PIK3CA: variants seen among roughly 807,000 people sequenced by gnomAD.
PIK3CA encodes phosphatidylinositol 4,5-bisphosphate 3-kinase catalytic subunit alpha isoform.
PIK3CA carries 27 observed loss-of-function variants against 138.2 expected under a neutral mutation model. The ratio of observed to expected loss-of-function variants is 0.20; its 90% CI spans 0.14 to 0.27. PIK3CA has a LOEUF of 0.27. Ranked by LOEUF, PIK3CA falls within the 10% of genes least tolerant of loss-of-function variation. The pLI, the probability that PIK3CA is intolerant of heterozygous loss-of-function variation, is 1.00. For missense variants in PIK3CA, 544 were observed against 1,277.4 expected, an observed-to-expected ratio of 0.43 and a Z score of 8.75; for synonymous variants, 358 against 413.2, an observed-to-expected ratio of 0.87 and a Z score of 1.62.
chr3:179,193,370 C>G (rs1298886874), intron 1 of PIK3CA, among the ~76,000 whole-genome samples: 3 of 152,158 alleles, frequency 2.0e-5, no homozygotes, highest in Non-Finnish European at 4.4e-5. Context: ...GGTCACATGT[C>G]AATGCTGACT....
At chr3:179,162,627 A>G (rs1377064637) in intron 1 of PIK3CA, among the ~76,000 whole-genome samples, 1 of 152,216 alleles carries the variant, frequency 6.6e-6, no homozygotes, top group African/African-American at 2.4e-5. Flanking sequence ...TTTAAAAATC[A>G]ATAGTTCTTC....
At position 179,236,040 on chromosome 3, in the gene PIK3CA, C is replaced by T. The variant is rs1169614283; in HGVS notation, c.*1676C>T. On this transcript the variant is annotated 3_prime_UTR_variant, in exon 21 of 21. Coordinates refer to ENST00000263967, the MANE Select transcript of PIK3CA (RefSeq NM_006218.4). ...GATTAGGCATATTATTGGAAAACAA[C>T]TTTATAAAGAGTGAACATTGTATAC... 5 of 206,578 alleles carry T rather than the reference C, an allele frequency of 2.4e-5. No individual in the cohort carries two copies. The highest frequency in any genetic ancestry group is 4.6e-5 in the African/African-American group (2 of 43,896). The allele number at this position is 206,578 out of a possible 1,614,324, so 12.8% of individuals were successfully genotyped here. A position where few individuals can be genotyped will look rare whatever the true frequency, so the allele number is the denominator to read the frequency against.
At chr3:179,215,072 A>G (rs1241170489) in intron 9 of PIK3CA, among the ~76,000 whole-genome samples, 1 of 152,196 alleles carries the variant, frequency 6.6e-6, no homozygotes, top group African/African-American at 2.4e-5. Context: ...TTTTGGGCCA[A>G]GAAGTCCAAA....
At chr3:179,191,061 G>C (rs570275824) in intron 1 of PIK3CA, among the ~76,000 whole-genome samples, 1 of 152,302 alleles carries the variant, frequency 6.6e-6, no homozygotes, top group African/African-American at 2.4e-5. Context: ...AAATTCCAGA[G>C]ATGGGGTTCA....
intron 9 of PIK3CA, among the ~76,000 whole-genome samples, chr3:179,216,607 C>A (rs1724841790): frequency 6.6e-6 from 1 of 152,060 alleles, no homozygotes; most frequent in East Asian, 1.9e-4. Context: ...ATGGCCTTTC[C>A]TTCAACAGTT....
intron 1 of PIK3CA, among the ~76,000 whole-genome samples, chr3:179,197,114 C>T (rs574604665): frequency 6.6e-6 from 1 of 152,222 alleles, no homozygotes; most frequent in South Asian, 2.1e-4. Flanking sequence ...TCTCGGCTCA[C>T]TGCAACCTCT....
intron 1 of PIK3CA, among the ~76,000 whole-genome samples, chr3:179,172,752 G>C (rs750248366): frequency 6.6e-6 from 1 of 152,160 alleles, no homozygotes; most frequent in Non-Finnish European, 1.5e-5. Flanking sequence ...CTATATTCAT[G>C]AATTGGTACA....
At chr3:179,221,301 T>A in intron 14 of PIK3CA, 144 bp downstream of exon 14, 1 of 611,248 alleles carries the variant, frequency 1.6e-6, no homozygotes, top group Non-Finnish European at 3.0e-6. Context: ...CTCAGCTGTG[T>A]AGTGTTAGAC....
chr3:179,199,501 A>G (rs1724353759), intron 2 of PIK3CA, among the ~76,000 whole-genome samples, 189 bp from the exon 3 acceptor site: 1 of 152,012 alleles, frequency 6.6e-6, no homozygotes, highest in African/African-American at 2.4e-5. Flanking sequence ...TATTTTTTAT[A>G]TATTAAAAAT....
chr3:179,226,109 G>A (rs2108419790), intron 17 of PIK3CA, 69 bp downstream of exon 17: 1 of 825,012 alleles, frequency 1.2e-6, no homozygotes, highest in East Asian at 2.5e-5. Context: ...AATAATTATA[G>A]AAGCATATAG....
At chr3:179,228,458 A>G (rs1379640787) in intron 17 of PIK3CA, among the ~76,000 whole-genome samples, 1 of 152,042 alleles carries the variant, frequency 6.6e-6, no homozygotes, top group Non-Finnish European at 1.5e-5. Context: ...AACTTAAGAA[A>G]CTTATCTTGT....
rs2108422542 is a variant in PIK3CA, at chr3:179,229,307, G to A, written c.2531G>A (p.Cys844Tyr). ...TATGGTTGTCTGTCAATCGGTGACT[G>A]TGTGGGACTTATTGAGGTGGTGCGA... is the stretch of plus-strand genomic sequence containing the variant. Reference protein sequence around the residue: ...LPYGCLSIGDCVGLIEVVRNS... With the variant: ...LPYGCLSIGDYVGLIEVVRNS... The change falls in exon 18 of 21, where the codon TGT becomes TAT. Residue 844 changes from cysteine to tyrosine, a missense_variant. By Grantham distance (194) the Cys-to-Tyr change is radical. This residue lies in a region of PIK3CA where 72 missense variants were observed against 271.8 expected (regional missense o/e 0.26). Coordinates refer to ENST00000263967, the MANE Select transcript of PIK3CA (RefSeq NM_006218.4). 1 of 1,613,094 alleles carries A rather than the reference G, an allele frequency of 6.2e-7. No individual in the cohort carries two copies. The highest frequency in any genetic ancestry group is 8.5e-7 in the Non-Finnish European group (1 of 1,179,396).
intron 1 of PIK3CA, among the ~76,000 whole-genome samples, chr3:179,190,076 A>T (rs1576927851): frequency 6.6e-6 from 1 of 152,314 alleles, no homozygotes; most frequent in East Asian, 1.9e-4. Flanking sequence ...TCTCCACTAT[A>T]GTAAAATTTG....
chr3:179,156,069 A>C (rs141396466), intron 1 of PIK3CA, among the ~76,000 whole-genome samples: 46 of 152,334 alleles, frequency 3.0e-4, no homozygotes, highest in Non-Finnish European at 4.7e-4. Flanking sequence ...ATCACTCCCT[A>C]GAGAGAAGAC....
chr3:179,236,207 T>G lies in PIK3CA; in HGVS notation c.*1843T>G, dbSNP rs376373692. 2 of 204,580 alleles carry G rather than the reference T, an allele frequency of 9.8e-6. No homozygotes were observed. Among genetic ancestry groups the G allele is most frequent in the African/African-American group, 4.6e-5 (2 of 43,776 alleles). 12.7% of individuals were successfully genotyped at this position (204,580 alleles called of 1,614,324 possible). On this transcript the variant is annotated 3_prime_UTR_variant, in exon 21 of 21. Transcript: ENST00000263967. ...TTAGATCCCTTAAAGGGCATAATTA[T>G]TGGAAATTTAGGTATTTCACTAAAG...
chr3:179,158,228 T>C (rs1317408489), intron 1 of PIK3CA, among the ~76,000 whole-genome samples: 1 of 152,176 alleles, frequency 6.6e-6, no homozygotes, highest in Non-Finnish European at 1.5e-5. Context: ...AAAATTTCAT[T>C]CTAGCTCTAG....
In PIK3CA at chr3:179,199,016, A is replaced by G. The variant is rs762499952; in HGVS notation, c.191A>G (p.Asp64Gly). ...TACCCCCTCCATCAACTTCTTCAAG[A>G]TGAATCTTCTTACATTTTCGTAAGT... ...RKYPLHQLLQ[D>G]ESSYIFVSVT... The change falls in exon 2 of 21, where the codon GAT becomes GGT. Residue 64 changes from aspartate to glycine, a missense_variant. By Grantham distance (94) the Asp-to-Gly change is moderately conservative. Around this residue, in one of 14 missense-constraint regions of PIK3CA, gnomAD observed 47 missense variants for 84.0 expected, o/e 0.56. Transcript: ENST00000263967. 2 of 1,613,596 alleles carry G rather than the reference A, an allele frequency of 1.2e-6. No individual in the cohort carries two copies. The highest frequency in any genetic ancestry group is 1.7e-6 in the Non-Finnish European group (2 of 1,179,792).
chr3:179,197,107 C>T lies in PIK3CA; in HGVS notation c.-76-1643C>T, dbSNP rs554791482. On this transcript the variant is annotated intron_variant, in intron 1 of 20. Coordinates refer to ENST00000263967, the MANE Select transcript of PIK3CA (RefSeq NM_006218.4). ...AGACTGGAGTGCAGTGGAGCGATCT[C>T]GGCTCACTGCAACCTCTGCCTCCCA... is the stretch of plus-strand genomic sequence containing the variant. Among the ~76,000 whole-genome samples, 15 of 152,084 alleles carry T rather than the reference C, an allele frequency of 9.9e-5. No homozygotes were observed. The South Asian group carries it at 1.0e-3, about 11-fold the overall frequency.
chr3:179,203,036 G>T (rs879860511), intron 4 of PIK3CA, among the ~76,000 whole-genome samples: 25 of 150,060 alleles, frequency 1.7e-4, no homozygotes, highest in Non-Finnish European at 2.5e-4. Context: ...CGCCTCCCGG[G>T]TTCACGCCAT....
Sources: gnomAD v4.1 joint callset for allele counts (sites outside exome capture counted in the v4.1 genomes callset) on GRCh38, gnomAD v4.1.1 for gene constraint, gnomAD v4.1.1 regional missense constraint, MANE v1.5 for transcripts, NCBI Gene and HGNC (gene_info 2026-07-23, HGNC 2026-07-21) for gene names.